The following MAML3 variants were observed in gnomAD, a reference collection of about 807,000 sequenced individuals.
The protein encoded by MAML3 is mastermind-like protein 3.
Under a neutral mutation model 101.9 loss-of-function variants are expected in MAML3, and 27 were observed. That is an observed-to-expected ratio of 0.27 (90% CI 0.20 to 0.37). The LOEUF (loss-of-function observed/expected upper bound fraction) is 0.37, where lower values mean the gene tolerates loss of function less well. Among genes scored for constraint, MAML3 ranks in the 10% least tolerant of loss-of-function variants. The probability of loss-of-function intolerance (pLI) is 1.00; values close to 1 mark genes in which losing one functional copy is unlikely to be tolerated. For synonymous variants in MAML3, 501 were observed against 555.9 expected (o/e 0.90, Z 1.39); for missense variants, 1,316 against 1,444.9 (o/e 0.91, Z 1.45).
At chr4:140,055,796 A>G (rs1727340059) in intron 1 of MAML3, among the ~76,000 whole-genome samples, 1 of 152,170 alleles carries the variant, frequency 6.6e-6, no homozygotes, top group African/African-American at 2.4e-5. Flanking sequence ...GATGGTGACC[A>G]AAGACCCAGA....
intron 1 of MAML3, among the ~76,000 whole-genome samples, chr4:140,148,691 G>T (rs1729104880): frequency 1.3e-5 from 2 of 152,194 alleles, no homozygotes; most frequent in Non-Finnish European, 2.9e-5. Flanking sequence ...CCAGATTAAC[G>T]TATAAGGACA....
chr4:139,783,870 G>A (rs1017134968), intron 2 of MAML3, among the ~76,000 whole-genome samples: 4 of 152,170 alleles, frequency 2.6e-5, no homozygotes, highest in African/African-American at 9.7e-5. Context: ...GACAGCCCGG[G>A]CTGCTGAACA....
chr4:140,118,372 T>G (rs188827455), intron 1 of MAML3, among the ~76,000 whole-genome samples: 1 of 152,212 alleles, frequency 6.6e-6, no homozygotes, highest in East Asian at 1.9e-4. Flanking sequence ...GATTAAATGA[T>G]CTAATAAGCA....
At chr4:139,780,690 G>T (rs952332470) in intron 2 of MAML3, among the ~76,000 whole-genome samples, 12 of 150,770 alleles carry the variant, frequency 8.0e-5, no homozygotes, top group Non-Finnish European at 1.5e-4. Flanking sequence ...GAGTGCAGTG[G>T]CACCATCTCG....
chr4:139,912,241 G>C (rs184887440), intron 1 of MAML3, among the ~76,000 whole-genome samples: 1 of 152,178 alleles, frequency 6.6e-6, no homozygotes, highest in Non-Finnish European at 1.5e-5. Context: ...AAACAAATGT[G>C]GGGGAGAGAT....
intron 1 of MAML3, among the ~76,000 whole-genome samples, chr4:140,140,419 A>G (rs1728961803): frequency 1.3e-5 from 2 of 152,226 alleles, no homozygotes; most frequent in South Asian, 4.1e-4. Flanking sequence ...GAAGTTTTTA[A>G]TTTTATGTAT....
At chr4:139,805,264 G>A (rs946416767) in intron 2 of MAML3, among the ~76,000 whole-genome samples, 1 of 152,148 alleles carries the variant, frequency 6.6e-6, no homozygotes, top group Non-Finnish European at 1.5e-5. Context: ...ACTAAAAGTG[G>A]TATGTTATTA....
Position 139,717,018 on chromosome 4 carries a change from A to ACT in MAML3, c.*2303_*2304dup. On this transcript the variant is annotated 3_prime_UTR_variant, in exon 5 of 5. Transcript: ENST00000509479. The stretch of plus-strand genomic sequence containing the variant: ...ATGAGTTAAGGAATGAAATAAAAAT[A>ACT]CTCTATTTTAAACAAACAGTATATA... The ACT allele has an allele frequency of 4.6e-5, 7 of 152,588 alleles. No homozygotes were observed. In the South Asian group the frequency reaches 1.5e-3, roughly 32 times the overall value. The allele number at this position is 152,588 out of a possible 1,614,324, so 9.5% of individuals were successfully genotyped here.
intron 2 of MAML3, among the ~76,000 whole-genome samples, chr4:139,818,348 G>T (rs1730924709): frequency 6.6e-6 from 1 of 152,182 alleles, no homozygotes; most frequent in Admixed American, 6.5e-5. Context: ...TGTTTTTGTG[G>T]TTAAACTCCT....
chr4:140,116,330 C>T (rs1229857562), intron 1 of MAML3, among the ~76,000 whole-genome samples: 5 of 152,076 alleles, frequency 3.3e-5, no homozygotes, highest in Non-Finnish European at 5.9e-5. Context: ...CTATAATATC[C>T]AGGGCCCCCA....
chr4:139,912,003 G>A (rs891035051), intron 1 of MAML3, among the ~76,000 whole-genome samples: 2 of 152,208 alleles, frequency 1.3e-5, no homozygotes, highest in African/African-American at 2.4e-5. Flanking sequence ...AATAATGCTA[G>A]TAATGCATGT....
chr4:140,124,964 G>A (rs1231152408), intron 1 of MAML3, among the ~76,000 whole-genome samples: 1 of 152,158 alleles, frequency 6.6e-6, no homozygotes, highest in Non-Finnish European at 1.5e-5. Flanking sequence ...CTACAGCGCA[G>A]AAGCAACAAA....
chr4:139,877,290 A>C (rs1012915045), intron 2 of MAML3, among the ~76,000 whole-genome samples: 1 of 132,458 alleles, frequency 7.5e-6, no homozygotes, highest in Admixed American at 7.2e-5. Context: ...AATCTTGCCC[A>C]GGAACCAAAA....
At chr4:139,770,008 C>A (rs1202714175) in intron 2 of MAML3, among the ~76,000 whole-genome samples, 1 of 151,638 alleles carries the variant, frequency 6.6e-6, no homozygotes, top group Non-Finnish European at 1.5e-5. Flanking sequence ...CAGCCTCAAA[C>A]TCCTGGGTTC....
At chr4:140,117,115 C>T (rs1467733909) in intron 1 of MAML3, among the ~76,000 whole-genome samples, 1 of 152,134 alleles carries the variant, frequency 6.6e-6, no homozygotes, top group Non-Finnish European at 1.5e-5. Flanking sequence ...TCTCTAGTCT[C>T]TTCCTTTTAC....
At chr4:139,908,158 T>C (rs553920409) in intron 1 of MAML3, among the ~76,000 whole-genome samples, 51 of 152,372 alleles carry the variant, frequency 3.3e-4, no homozygotes, top group African/African-American at 1.2e-3. Context: ...CAGCCCAGAA[T>C]TGTATAATCT....
chr4:139,779,663 C>T (rs943637052), intron 2 of MAML3, among the ~76,000 whole-genome samples: 7 of 152,170 alleles, frequency 4.6e-5, no homozygotes, highest in Admixed American at 3.3e-4. Context: ...GAGGACAGAC[C>T]GGAACACGGA....
chr4:139,842,091 G>A (rs1015480915), intron 2 of MAML3, among the ~76,000 whole-genome samples: 3 of 152,154 alleles, frequency 2.0e-5, no homozygotes, highest in South Asian at 4.1e-4. Flanking sequence ...CAGGCTGGGG[G>A]CAGTACCTGC....
intron 1 of MAML3, among the ~76,000 whole-genome samples, chr4:140,102,020 A>G (rs1401018859): frequency 6.6e-6 from 1 of 152,234 alleles, no homozygotes. Context: ...AAGAGCCATC[A>G]GCCAGGCAAA....
Sources: allele counts gnomAD v4.1 joint callset (sites outside exome capture counted in the v4.1 genomes callset), GRCh38; gene constraint gnomAD v4.1.1; transcripts MANE v1.5; gene names NCBI Gene and HGNC (gene_info 2026-07-23, HGNC 2026-07-21).